Variants in GPC6 observed in about 807,000 individuals in gnomAD.
GPC6 encodes the protein glypican 6.
Under a neutral mutation model 55.2 loss-of-function variants are expected in GPC6, and 14 were observed. The ratio of observed to expected loss-of-function variants is 0.25; its 90% CI spans 0.17 to 0.40. GPC6 has a LOEUF of 0.40. GPC6 is among the 10% of genes least tolerant of loss of function. GPC6 has a pLI of 1.00. For synonymous variants in GPC6, 278 were observed against 259.6 expected (o/e 1.07, Z -0.68); for missense variants, 641 against 708.5 (o/e 0.90, Z 1.08).
chr13:93,427,599 T>C (rs1877189702), intron 1 of GPC6, among the ~76,000 whole-genome samples: 1 of 152,212 alleles, frequency 6.6e-6, no homozygotes, highest in South Asian at 2.1e-4. Flanking sequence ...TTTCACTTGC[T>C]ATCAATAAAT....
chr13:93,708,261 A>G (rs1455341996), intron 2 of GPC6, among the ~76,000 whole-genome samples: 2 of 151,716 alleles, frequency 1.3e-5, no homozygotes, highest in African/African-American at 2.4e-5. Context: ...AGCGTGTCAT[A>G]TATTTTGTTT....
chr13:94,373,044 C>T (rs548181526), intron 6 of GPC6, among the ~76,000 whole-genome samples: 4 of 152,216 alleles, frequency 2.6e-5, no homozygotes, highest in African/African-American at 4.8e-5. Flanking sequence ...AAAGGACATC[C>T]ACACCAAAAC....
At chr13:93,262,083 A>G (rs1343282902) in intron 1 of GPC6, among the ~76,000 whole-genome samples, 4 of 152,150 alleles carry the variant, frequency 2.6e-5, no homozygotes, top group Non-Finnish European at 4.4e-5. Context: ...TATACAGGAA[A>G]TAGCCCCTCA....
At chr13:93,473,878 C>T (rs1265483189) in intron 1 of GPC6, among the ~76,000 whole-genome samples, 1 of 152,124 alleles carries the variant, frequency 6.6e-6, no homozygotes, top group Non-Finnish European at 1.5e-5. Context: ...TGGGTAGGTC[C>T]CACCTGGCTA....
At chr13:93,749,750 A>G (rs960162572) in intron 2 of GPC6, among the ~76,000 whole-genome samples, 2 of 152,122 alleles carry the variant, frequency 1.3e-5, no homozygotes, top group African/African-American at 4.8e-5. Flanking sequence ...TACCCCCAAA[A>G]AGCCAAGAAG....
intron 2 of GPC6, among the ~76,000 whole-genome samples, chr13:93,623,766 C>A (rs537691641): frequency 1.3e-5 from 2 of 151,930 alleles, no homozygotes. Context: ...CCTCTTTGGT[C>A]TTTTTGATAA....
intron 4 of GPC6, among the ~76,000 whole-genome samples, chr13:94,107,766 G>A (rs1286757738): frequency 2.6e-5 from 4 of 151,748 alleles, no homozygotes; most frequent in Non-Finnish European, 4.4e-5. Context: ...ATACACAAAT[G>A]ACCAGCAAAC....
chr13:93,433,932 T>A (rs1404420075), intron 1 of GPC6, among the ~76,000 whole-genome samples: 1 of 152,246 alleles, frequency 6.6e-6, no homozygotes. Flanking sequence ...TCACGCTATG[T>A]ATAGATGACA....
intron 2 of GPC6, among the ~76,000 whole-genome samples, chr13:93,774,100 A>G (rs9584154): frequency 0.29 from 43,500 of 152,114 alleles, 7,013 homozygotes; most frequent in Middle Eastern, 0.48. Flanking sequence ...CCAGTTAGAA[A>G]AGTCACCACA....
chr13:94,028,517 A>C (rs371616788), intron 4 of GPC6, among the ~76,000 whole-genome samples: 2 of 151,762 alleles, frequency 1.3e-5, no homozygotes, highest in Admixed American at 6.6e-5. Context: ...TGTAAAAAAA[A>C]AAAAGTCCAC....
chr13:93,325,015 T>C (rs1221678714), intron 1 of GPC6, among the ~76,000 whole-genome samples: 1 of 152,094 alleles, frequency 6.6e-6, no homozygotes, highest in Non-Finnish European at 1.5e-5. Flanking sequence ...AAAAAGGAAT[T>C]CATGCACAGC....
intron 3 of GPC6, among the ~76,000 whole-genome samples, chr13:93,843,755 G>T (rs1888051139): frequency 6.6e-6 from 1 of 151,804 alleles, no homozygotes; most frequent in Admixed American, 6.6e-5. Context: ...GCTTTTTTTT[G>T]CCTTAGCATC....
At chr13:93,608,801 G>A (rs1441939091) in intron 2 of GPC6, among the ~76,000 whole-genome samples, 1 of 152,224 alleles carries the variant, frequency 6.6e-6, no homozygotes, top group Non-Finnish European at 1.5e-5. Context: ...AAGGAATGTA[G>A]TAAGTGTGTT....
intron 7 of GPC6, among the ~76,000 whole-genome samples, chr13:94,383,603 G>A (rs1335384763): frequency 6.6e-6 from 1 of 152,184 alleles, no homozygotes; most frequent in South Asian, 2.1e-4. Context: ...TTAATATAAA[G>A]TGCATGGCTA....
At chr13:94,002,450 A>C (rs951722599) in intron 3 of GPC6, among the ~76,000 whole-genome samples, 1 of 152,202 alleles carries the variant, frequency 6.6e-6, no homozygotes, top group Non-Finnish European at 1.5e-5. Context: ...TATTGGCCCA[A>C]GTTATTAGAT....
intron 2 of GPC6, among the ~76,000 whole-genome samples, chr13:93,727,699 T>G (rs904043292): frequency 6.6e-6 from 1 of 152,168 alleles, no homozygotes; most frequent in African/African-American, 2.4e-5. Context: ...AAAATTTTAT[T>G]TACACAAACT....
intron 3 of GPC6, among the ~76,000 whole-genome samples, chr13:93,944,003 C>T (rs1026173814): frequency 6.6e-6 from 1 of 152,130 alleles, no homozygotes; most frequent in African/African-American, 2.4e-5. Context: ...ACTCAGCATC[C>T]CCTATCTGGG....
At chr13:93,866,235 C>T (rs1276800361) in intron 3 of GPC6, among the ~76,000 whole-genome samples, 1 of 151,662 alleles carries the variant, frequency 6.6e-6, no homozygotes, top group African/African-American at 2.4e-5. Flanking sequence ...CAGTAGGAGA[C>T]TGTGTAAACA....
At chr13:94,131,361 A>G (rs1886995153) in intron 4 of GPC6, among the ~76,000 whole-genome samples, 1 of 152,130 alleles carries the variant, frequency 6.6e-6, no homozygotes, top group African/African-American at 2.4e-5. Context: ...TGTGCCTGTG[A>G]TAGTTATTTC....
Sources: allele counts gnomAD v4.1 joint callset (sites outside exome capture counted in the v4.1 genomes callset), GRCh38; gene constraint gnomAD v4.1.1; transcripts MANE v1.5; gene names NCBI Gene and HGNC (gene_info 2026-07-23, HGNC 2026-07-21).